Variants in SNX29 observed in about 807,000 individuals in gnomAD.
The protein encoded by SNX29 is sorting nexin 29, also known as sorting nexin-29.
A neutral mutation model predicts 102.1 loss-of-function variants in SNX29; 78 were observed. That is an observed-to-expected ratio of 0.76 (90% CI 0.64 to 0.92). The LOEUF (loss-of-function observed/expected upper bound fraction) is 0.92. Ranked by LOEUF, SNX29 falls within the 40% of genes least tolerant of loss-of-function variation. SNX29 has a pLI of 0.00. For missense variants in SNX29, 1,280 were observed against 1,061.7 expected (o/e 1.21, Z -2.86); for synonymous variants, 580 against 414.5 (o/e 1.40, Z -4.85).
At chr16:12,504,642 TGAGA>T (rs1040975863) in intron 19 of SNX29, among the ~76,000 whole-genome samples, 2 of 152,244 alleles carry the variant, frequency 1.3e-5, no homozygotes, top group Non-Finnish European at 2.9e-5. Flanking sequence ...TAAGATATTT[TGAGA>T]GAGAGACCAC....
At chr16:12,412,646 C>T (rs182803973) in intron 18 of SNX29, among the ~76,000 whole-genome samples, 4 of 152,240 alleles carry the variant, frequency 2.6e-5, no homozygotes, top group African/African-American at 7.2e-5. Context: ...TTAGAGCTCA[C>T]CTGTGTGTGC....
At chr16:12,425,099 C>G (rs2085011012) in intron 18 of SNX29, among the ~76,000 whole-genome samples, 1 of 152,208 alleles carries the variant, frequency 6.6e-6, no homozygotes, top group Non-Finnish European at 1.5e-5. Context: ...AAACAAAACA[C>G]ACCCAGGTGA....
chr16:12,555,175 G>C (rs2078252369), intron 20 of SNX29, among the ~76,000 whole-genome samples: 2 of 151,874 alleles, frequency 1.3e-5, no homozygotes, highest in African/African-American at 4.8e-5. Flanking sequence ...CATCAGTGGG[G>C]TTACTCAGGT....
chr16:12,542,579 G>C (rs192635692), intron 20 of SNX29, among the ~76,000 whole-genome samples: 1 of 152,106 alleles, frequency 6.6e-6, no homozygotes, highest in East Asian at 1.9e-4. Flanking sequence ...TGATCCACCC[G>C]CCTCAGCCTC....
At chr16:12,162,904 GAC>G (rs2055850999) in intron 13 of SNX29, among the ~76,000 whole-genome samples, 1 of 151,600 alleles carries the variant, frequency 6.6e-6, no homozygotes, top group Non-Finnish European at 1.5e-5. Flanking sequence ...TTTTTTTTGA[GAC>G]AGTCTCACTC....
intron 11 of SNX29, among the ~76,000 whole-genome samples, chr16:12,118,587 A>G (rs2053838548): frequency 6.6e-6 from 1 of 152,184 alleles, no homozygotes; most frequent in African/African-American, 2.4e-5. Flanking sequence ...AAGTGTTGGT[A>G]TGACAGGTGT....
chr16:11,983,558 T>A (rs1325448216), intron 1 of SNX29: 1 of 709,806 alleles, frequency 1.4e-6, no homozygotes, highest in East Asian at 1.3e-4. Context: ...TTTTTCCCCC[T>A]TGTGAAGGCA....
intron 20 of SNX29, among the ~76,000 whole-genome samples, chr16:12,563,363 A>G (rs1008506066): frequency 1.3e-5 from 2 of 152,198 alleles, no homozygotes; most frequent in Admixed American, 6.5e-5. Context: ...CCTGTCTTTT[A>G]TCGCCACGTT....
chr16:12,310,453 G>T (rs1474462691), intron 15 of SNX29, among the ~76,000 whole-genome samples: 1 of 152,080 alleles, frequency 6.6e-6, no homozygotes, highest in Non-Finnish European at 1.5e-5. Flanking sequence ...GTTGTGTCAA[G>T]GAGGAATGAA....
intron 14 of SNX29, among the ~76,000 whole-genome samples, chr16:12,248,733 C>T (rs1163758361): frequency 6.6e-6 from 1 of 151,832 alleles, no homozygotes; most frequent in South Asian, 2.1e-4. Flanking sequence ...GCTTAAATGT[C>T]ACTTTATCAG....
chr16:12,026,477 G>A (rs1162106135), intron 3 of SNX29, among the ~76,000 whole-genome samples: 2 of 152,320 alleles, frequency 1.3e-5, no homozygotes, highest in Non-Finnish European at 2.9e-5. Context: ...ATGAATGAAT[G>A]GAAAGGGCTC....
At chr16:12,548,922 A>C (rs1196933891) in intron 20 of SNX29, among the ~76,000 whole-genome samples, 3 of 152,336 alleles carry the variant, frequency 2.0e-5, no homozygotes, top group African/African-American at 7.2e-5. Flanking sequence ...GGTATTCTTC[A>C]GTACCTGCTA....
Position 12,479,759 on chromosome 16 carries a change from A to G in SNX29, c.2178+1900A>G, listed in dbSNP as rs557230715. On this transcript the variant is annotated intron_variant, in intron 19 of 20. Coordinates refer to ENST00000566228, the MANE Select transcript of SNX29 (RefSeq NM_032167.5). ...CCAGCGTATTATCAAATTATAAGAC[A>G]TTCTTATGTGCAAGAAACACAATCC... Among the ~76,000 whole-genome samples the G allele has an allele frequency of 2.6e-5, 4 of 152,368 alleles. No individual in the cohort carries two copies. In the East Asian group the frequency reaches 7.7e-4, roughly 29 times the overall value.
chr16:12,043,758 G>C (rs1370795545), intron 5 of SNX29, among the ~76,000 whole-genome samples: 1 of 151,632 alleles, frequency 6.6e-6, no homozygotes, highest in Non-Finnish European at 1.5e-5. Flanking sequence ...GTTGTTGTTT[G>C]TTTGTTTGTT....
intron 18 of SNX29, among the ~76,000 whole-genome samples, chr16:12,440,864 A>G (rs886703704): frequency 3.9e-5 from 6 of 152,168 alleles, no homozygotes; most frequent in Non-Finnish European, 8.8e-5. Flanking sequence ...GGTGGATTCC[A>G]CGTCTTTGCT....
At chr16:12,277,427 C>T (rs1481660545) in intron 14 of SNX29, among the ~76,000 whole-genome samples, 1 of 152,010 alleles carries the variant, frequency 6.6e-6, no homozygotes, top group East Asian at 1.9e-4. Context: ...AAAACCTCCA[C>T]CCCCCAAAAC....
Position 12,160,212 on chromosome 16 carries a change from C to T in SNX29, c.1595+30454C>T, listed in dbSNP as rs116156974. Reference sequence around the variant, plus strand: ...CCATTGCTGGGTCTGCTGGACCCCACGAACTGCCTCCACTCCACTTTCTGA... The same window carrying T: ...CCATTGCTGGGTCTGCTGGACCCCATGAACTGCCTCCACTCCACTTTCTGA... On this transcript the variant is annotated intron_variant, in intron 13 of 20. Coordinates refer to ENST00000566228, the MANE Select transcript of SNX29 (RefSeq NM_032167.5). Among the ~76,000 whole-genome samples, 196 of 152,302 alleles carry T rather than the reference C, an allele frequency of 1.3e-3. 1 individual carries two copies. Among genetic ancestry groups the T allele is most frequent in the African/African-American group, 4.6e-3 (190 of 41,564 alleles).
At chr16:12,565,552 GTGTCACAGAAGCCTAC>G (rs1402568564) in intron 20 of SNX29, among the ~76,000 whole-genome samples, 3 of 152,096 alleles carry the variant, frequency 2.0e-5, no homozygotes, top group African/African-American at 4.8e-5. Flanking sequence ...AACCATCCCT[GTGTCACAGAAGCCTAC>G]TGTCACACCC....
chr16:12,565,065 G>A (rs899835133), intron 20 of SNX29, among the ~76,000 whole-genome samples: 9 of 152,092 alleles, frequency 5.9e-5, no homozygotes, highest in Admixed American at 2.0e-4. Flanking sequence ...TGTAGCAAAG[G>A]GGCCCAGTGG....
Sources: gnomAD v4.1 joint callset for allele counts (sites outside exome capture counted in the v4.1 genomes callset) on GRCh38, gnomAD v4.1.1 for gene constraint, MANE v1.5 for transcripts, NCBI Gene and HGNC (gene_info 2026-07-23, HGNC 2026-07-21) for gene names.